Variants in PTPN1 observed in about 807,000 individuals in gnomAD.
The protein encoded by PTPN1 is protein tyrosine phosphatase non-receptor type 1, also known as tyrosine-protein phosphatase non-receptor type 1.
Under a neutral mutation model 59.9 loss-of-function variants are expected in PTPN1, and 12 were observed. The observed-to-expected ratio is 0.20, with a 90% CI of 0.13 to 0.32. The LOEUF is 0.32. Among genes scored for constraint, PTPN1 ranks in the 10% least tolerant of loss-of-function variants. The probability of loss-of-function intolerance (pLI) is 1.00; values close to 1 mark genes in which losing one functional copy is unlikely to be tolerated. For synonymous variants in PTPN1, 178 were observed against 203.6 expected, an observed-to-expected ratio of 0.87 and a Z score of 1.07; for missense variants, 356 against 549.2, an observed-to-expected ratio of 0.65 and a Z score of 3.52.
At chr20:50,542,390 G>A (rs765362344) in intron 1 of PTPN1, among the ~76,000 whole-genome samples, 10 of 152,014 alleles carry the variant, frequency 6.6e-5, no homozygotes, top group East Asian at 1.9e-4. Context: ...TTTTTTCCCC[G>A]AGTTTATGTA....
intron 1 of PTPN1, among the ~76,000 whole-genome samples, chr20:50,536,200 C>T (rs770569365): frequency 3.6e-4 from 55 of 152,208 alleles, no homozygotes; most frequent in Non-Finnish European, 3.2e-4. Flanking sequence ...AGTCATCTAC[C>T]TACCTAACAG....
rs1435622818 is a variant in PTPN1 at position 50,568,814 on chromosome 20, C to T, written c.354+336C>T. Among the ~76,000 whole-genome samples, 1 of 152,148 alleles carries T rather than the reference C, an allele frequency of 6.6e-6. No individual in the cohort carries two copies. Among genetic ancestry groups the T allele is most frequent in the Admixed American group, 6.5e-5 (1 of 15,272 alleles). ...TGGAGTTATGGAGACCTGCTTTTATCTTGAAAAGCAAGTTCTTAGTGCATC... is the reference window on the plus strand; with the variant it reads ...TGGAGTTATGGAGACCTGCTTTTATTTTGAAAAGCAAGTTCTTAGTGCATC... On this transcript the variant is annotated intron_variant, in intron 4 of 9. Transcript: ENST00000371621. This position sits in a 1 kb window ranked among gnomAD's most constrained non-coding sequence, Gnocchi z 5.6.
chr20:50,529,934 G>GCTCAATCTCGGCTCAGTGC (rs1284584587), intron 1 of PTPN1, among the ~76,000 whole-genome samples: 1 of 152,018 alleles, frequency 6.6e-6, no homozygotes, highest in Non-Finnish European at 1.5e-5. Flanking sequence ...GAGTGCAGTG[G>GCTCAATCTCGGCTCAGTGC]CTCAATCTCG....
chr20:50,582,814 A>T lies in PTPN1; in HGVS notation c.*99A>T. On this transcript the variant is annotated 3_prime_UTR_variant, in exon 10 of 10. Coordinates refer to ENST00000371621, the MANE Select transcript of PTPN1 (RefSeq NM_002827.4). The surrounding 1 kb of genome is among the most constrained non-coding windows in gnomAD (Gnocchi z 4.2). Reference sequence around the variant, plus strand: ...TGCCGCGGTAGGTAAGGGCCGCCGGACCGCGTAGAGAGCCGGGCCCCGGAC... The same window carrying T: ...TGCCGCGGTAGGTAAGGGCCGCCGGTCCGCGTAGAGAGCCGGGCCCCGGAC... 6.8e-7 allele frequency: 1 copy of T among 1,481,042 alleles called. No homozygotes were observed. Among genetic ancestry groups the T allele is most frequent in the Non-Finnish European group, 9.3e-7 (1 of 1,073,216 alleles). 91.7% of individuals were successfully genotyped at this position (1,481,042 alleles called of 1,614,324 possible). A position where few individuals can be genotyped will look rare whatever the true frequency, so the allele number is the denominator to read the frequency against.
intron 1 of PTPN1, among the ~76,000 whole-genome samples, chr20:50,550,129 A>G (rs1263199428): frequency 6.6e-6 from 1 of 152,122 alleles, no homozygotes; most frequent in Non-Finnish European, 1.5e-5. Flanking sequence ...GGAAATGTAC[A>G]CTGTGTGTTC....
chr20:50,572,878 A>G (rs1568794992), intron 4 of PTPN1: 1 of 152,220 alleles, frequency 6.6e-6, no homozygotes, highest in Non-Finnish European at 1.5e-5. Context: ...AATTGCTTCA[A>G]TGGTGACAGA....
chr20:50,532,202 T>C (rs1402272204), intron 1 of PTPN1, among the ~76,000 whole-genome samples: 1 of 152,246 alleles, frequency 6.6e-6, no homozygotes, highest in Non-Finnish European at 1.5e-5. Context: ...GGCAAAACTT[T>C]GTGTCCATGA....
intron 8 of PTPN1, 42 bp downstream of exon 8, chr20:50,579,968 G>A: frequency 6.4e-7 from 1 of 1,568,406 alleles, no homozygotes. Context: ...GAGGGGAAAT[G>A]ACTTTCTGTT....
chr20:50,551,543 A>G (rs1158073697), intron 1 of PTPN1, among the ~76,000 whole-genome samples: 2 of 152,252 alleles, frequency 1.3e-5, no homozygotes, highest in Non-Finnish European at 2.9e-5. Flanking sequence ...GCACATGATC[A>G]GGCGTGCACT....
At chr20:50,537,601 A>C (rs2082629707) in intron 1 of PTPN1, among the ~76,000 whole-genome samples, 1 of 152,180 alleles carries the variant, frequency 6.6e-6, no homozygotes, top group South Asian at 2.1e-4. Flanking sequence ...TTCTGCCCTC[A>C]AAAAGCATTC....
At chr20:50,571,901 T>C (rs932251297) in intron 4 of PTPN1, 5 of 152,250 alleles carry the variant, frequency 3.3e-5, no homozygotes, top group African/African-American at 1.2e-4. Context: ...AGCTGCCGTT[T>C]GCTTTCAGGT....
rs2082788836 is a variant in PTPN1, at chr20:50,568,298, G to A, written c.256-82G>A. On this transcript the variant is annotated intron_variant, in intron 3 of 9. Transcript: ENST00000371621. This position sits in a 1 kb window ranked among gnomAD's most constrained non-coding sequence, Gnocchi z 5.6. ...AGCTGTGGGGACTGAGGGCGCTGTCGTTAGCTGACTGCAGAAGGTGAGCAC... is the reference window on the plus strand; with the variant it reads ...AGCTGTGGGGACTGAGGGCGCTGTCATTAGCTGACTGCAGAAGGTGAGCAC... 104 of 1,291,892 alleles carry A rather than the reference G, an allele frequency of 8.1e-5. No homozygotes were observed. The South Asian group carries it at 1.0e-3, about 13-fold the overall frequency. 80.0% of individuals were successfully genotyped at this position (1,291,892 alleles called of 1,614,324 possible).
chr20:50,533,664 A>G (rs2082610945), intron 1 of PTPN1, among the ~76,000 whole-genome samples: 2 of 151,818 alleles, frequency 1.3e-5, no homozygotes, highest in Admixed American at 1.3e-4. Flanking sequence ...CTGCTGTTTC[A>G]CTTCTCAGCA....
At chr20:50,570,058 G>A (rs969190130) in intron 4 of PTPN1, among the ~76,000 whole-genome samples, 11 of 152,332 alleles carry the variant, frequency 7.2e-5, no homozygotes, top group Admixed American at 2.0e-4. Context: ...GGTTGCCTCC[G>A]GCCACAGAAG....
chr20:50,572,679 G>C (rs1238200660), intron 4 of PTPN1: 1 of 152,116 alleles, frequency 6.6e-6, no homozygotes, highest in African/African-American at 2.4e-5. Context: ...CCCCAGCACG[G>C]GTGGGGTGGA....
chr20:50,577,319 T>C (rs926738008), intron 5 of PTPN1, among the ~76,000 whole-genome samples: 9 of 152,218 alleles, frequency 5.9e-5, no homozygotes, highest in Non-Finnish European at 1.0e-4. Context: ...GAAGGCATCA[T>C]GAGCAGATCT....
At chr20:50,535,984 G>C (rs768899348) in intron 1 of PTPN1, among the ~76,000 whole-genome samples, 42 of 152,144 alleles carry the variant, frequency 2.8e-4, no homozygotes, top group Admixed American at 4.6e-4. Flanking sequence ...AGAGAAAAGA[G>C]GTTAAAATCT....
intron 1 of PTPN1, among the ~76,000 whole-genome samples, chr20:50,554,559 C>T (rs1201624984): frequency 6.6e-6 from 1 of 151,658 alleles, no homozygotes; most frequent in Non-Finnish European, 1.5e-5. Flanking sequence ...ATGAGGATTG[C>T]TAAAAGTGAC....
At position 50,578,411 on chromosome 20, in the gene PTPN1, C is replaced by T. The variant is rs2082847664; in HGVS notation, c.493-9C>T. 6.2e-7 allele frequency: 1 copy of T among 1,608,266 alleles called. No homozygotes were observed. The highest frequency in any genetic ancestry group is 1.3e-5 in the African/African-American group (1 of 74,712). ...TTTTAGAATCATCATGAGTATTTTT[C>T]TCTTTCAGACCCAAGAAACTCGAGA... On this transcript the variant is annotated splice_polypyrimidine_tract_variant and intron_variant, in intron 5 of 9. Transcript: ENST00000371621.
Sources: gnomAD v4.1 joint callset for allele counts (sites outside exome capture counted in the v4.1 genomes callset) on GRCh38, gnomAD v4.1.1 for gene constraint, Gnocchi (gnomAD v3.1) non-coding constraint, MANE v1.5 for transcripts, NCBI Gene and HGNC (gene_info 2026-07-23, HGNC 2026-07-21) for gene names.